Variants in ODAD2 observed in about 807,000 individuals in gnomAD.
ODAD2 encodes outer dynein arm docking complex subunit 2, also known as outer dynein arm-docking complex subunit 2.
ODAD2 carries 89 observed loss-of-function variants against 106.8 expected under a neutral mutation model. The observed-to-expected ratio is 0.83, with a 90% confidence interval of 0.70 to 0.99. The LOEUF is 0.99. ODAD2 is among the 50% of genes least tolerant of loss of function. The pLI is 0.00. For synonymous variants in ODAD2, 404 were observed against 436.2 expected (o/e 0.93, Z 0.92); for missense variants, 1,168 against 1,238.5 (o/e 0.94, Z 0.85).
chr10:27,939,959 C>T lies in ODAD2; in HGVS notation c.2035G>A (p.Val679Ile). ...TCATTCTCACTATTTAGGTTCTTGACAAGGTTTTCAATGATCCTTTCTGCT... is the reference window on the plus strand; with the variant it reads ...TCATTCTCACTATTTAGGTTCTTGATAAGGTTTTCAATGATCCTTTCTGCT... Reference protein sequence around the residue: ...IKAERIIENLVKNLNSENEQL... With the variant: ...IKAERIIENLIKNLNSENEQL... Residue 679 changes from valine (V) to isoleucine (I), a missense_variant, in exon 14 of 20, where the codon GTC (valine) becomes ATC (isoleucine). By Grantham distance (29) the Val-to-Ile change is conservative. Transcript: ENST00000305242. 6.2e-7 allele frequency: 1 copy of T among 1,611,102 alleles called. No individual in the cohort carries two copies. Among genetic ancestry groups the T allele is most frequent in the Admixed American group, 1.7e-5 (1 of 59,486 alleles).
chr10:27,903,238 A>C (rs1387704442), intron 17 of ODAD2, among the ~76,000 whole-genome samples: 1 of 152,230 alleles, frequency 6.6e-6, no homozygotes, highest in Non-Finnish European at 1.5e-5. Context: ...GGCCTTCCAT[A>C]AAATTCAACA....
chr10:27,868,742 G>C (rs1228929178), intron 17 of ODAD2, among the ~76,000 whole-genome samples: 1 of 151,924 alleles, frequency 6.6e-6, no homozygotes, highest in Non-Finnish European at 1.5e-5. Flanking sequence ...TTAATACCTA[G>C]GTGATGGGTT....
At chr10:27,882,619 A>G (rs1424882853) in intron 17 of ODAD2, among the ~76,000 whole-genome samples, 1 of 152,214 alleles carries the variant, frequency 6.6e-6, no homozygotes. Context: ...AATCTCAGTA[A>G]GAAAAGTGAG....
At chr10:27,933,760 A>C (rs1223237248) in intron 16 of ODAD2, among the ~76,000 whole-genome samples, 1 of 152,252 alleles carries the variant, frequency 6.6e-6, no homozygotes, top group Non-Finnish European at 1.5e-5. Context: ...AATACATTAG[A>C]AAATGGTTTT....
intron 6 of ODAD2, among the ~76,000 whole-genome samples, chr10:27,983,374 T>C (rs1849678313): frequency 6.6e-6 from 1 of 152,228 alleles, no homozygotes; most frequent in Admixed American, 6.5e-5. Flanking sequence ...CAGCACAGCC[T>C]GGAAGTGGAC....
At chr10:27,867,915 C>T (rs1352875531) in intron 17 of ODAD2, among the ~76,000 whole-genome samples, 2 of 151,580 alleles carry the variant, frequency 1.3e-5, no homozygotes, top group Admixed American at 6.6e-5. Flanking sequence ...CTCCACTGCA[C>T]TCCAGCCTGG....
chr10:27,853,814 G>A (rs952493728), intron 19 of ODAD2, among the ~76,000 whole-genome samples: 1 of 152,096 alleles, frequency 6.6e-6, no homozygotes, highest in African/African-American at 2.4e-5. Flanking sequence ...TCAGAAGAAA[G>A]CATGAAATCC....
At chr10:27,988,652 T>C (rs1850032529) in intron 2 of ODAD2, among the ~76,000 whole-genome samples, 1 of 152,166 alleles carries the variant, frequency 6.6e-6, no homozygotes, top group African/African-American at 2.4e-5. Flanking sequence ...CTAACATATT[T>C]TGAATTGCAA....
intron 16 of ODAD2, among the ~76,000 whole-genome samples, chr10:27,909,528 G>C (rs1474007515): frequency 1.3e-5 from 2 of 151,988 alleles, no homozygotes; most frequent in Non-Finnish European, 2.9e-5. Flanking sequence ...CTTAAAAGAA[G>C]ACTCAGGGGC....
At chr10:27,969,942 C>T (rs1247765783) in intron 8 of ODAD2, among the ~76,000 whole-genome samples, 2 of 151,984 alleles carry the variant, frequency 1.3e-5, no homozygotes, top group African/African-American at 4.8e-5. Context: ...GCCATCTCTA[C>T]TAAAAATACA....
At chr10:27,837,071 CT>C (rs1316564288) in intron 19 of ODAD2, among the ~76,000 whole-genome samples, 3 of 152,052 alleles carry the variant, frequency 2.0e-5, no homozygotes, top group African/African-American at 7.2e-5. Context: ...AAGACAAATT[CT>C]GATGCAAGAA....
intron 9 of ODAD2, among the ~76,000 whole-genome samples, chr10:27,962,425 T>G (rs1456348556): frequency 6.6e-6 from 1 of 152,194 alleles, no homozygotes; most frequent in Non-Finnish European, 1.5e-5. Context: ...TAAGTTCAAC[T>G]GGGCAGTGCC....
intron 16 of ODAD2, among the ~76,000 whole-genome samples, chr10:27,912,522 G>C (rs1844081372): frequency 6.6e-6 from 1 of 152,132 alleles, no homozygotes; most frequent in Non-Finnish European, 1.5e-5. Context: ...TGCCCATTGA[G>C]GCCATATATA....
chr10:27,876,417 T>G (rs1841345167), intron 17 of ODAD2, among the ~76,000 whole-genome samples: 1 of 152,212 alleles, frequency 6.6e-6, no homozygotes, highest in Non-Finnish European at 1.5e-5. Context: ...CCTCCACTGC[T>G]GATACCCAGG....
chr10:27,884,115 A>G (rs918969092), intron 17 of ODAD2, among the ~76,000 whole-genome samples: 2 of 152,186 alleles, frequency 1.3e-5, no homozygotes, highest in East Asian at 3.8e-4. Context: ...AGAGATCCCC[A>G]GTTAGGCACA....
At chr10:27,839,354 T>C (rs1466114459) in intron 19 of ODAD2, among the ~76,000 whole-genome samples, 1 of 152,214 alleles carries the variant, frequency 6.6e-6, no homozygotes, top group African/African-American at 2.4e-5. Flanking sequence ...TCACACCTGA[T>C]AAGCTTTTTA....
chr10:27,878,704 G>A (rs192128480), intron 17 of ODAD2, among the ~76,000 whole-genome samples: 2 of 152,146 alleles, frequency 1.3e-5, no homozygotes, highest in Admixed American at 1.3e-4. Context: ...AACTGAACGG[G>A]CAAATCTTGT....
chr10:27,995,124 T>G lies in ODAD2; in HGVS notation c.19A>C (p.Lys7Gln). 1 of 1,614,064 alleles carries G rather than the reference T, an allele frequency of 6.2e-7. No individual in the cohort carries two copies. Among genetic ancestry groups the G allele is most frequent in the Non-Finnish European group, 8.5e-7 (1 of 1,180,014 alleles). MGVALR[K>Q]LTQWTAAGHG... ...CCGGCAGCAGTCCACTGCGTCAATT[T>G]CCTCAGAGCCACACCCATGGGATCC... Residue 7 changes from lysine to glutamine, a missense_variant, in exon 2 of 20, where the codon AAA becomes CAA. Coordinates refer to ENST00000305242, the MANE Select transcript of ODAD2 (RefSeq NM_018076.5).
At chr10:27,870,981 AGT>A (rs1840830650) in intron 17 of ODAD2, among the ~76,000 whole-genome samples, 1 of 152,182 alleles carries the variant, frequency 6.6e-6, no homozygotes, top group Admixed American at 6.5e-5. Flanking sequence ...ACAGTGTGAA[AGT>A]GTTCCTATTT....
Sources: allele counts gnomAD v4.1 joint callset (sites outside exome capture counted in the v4.1 genomes callset), GRCh38; gene constraint gnomAD v4.1.1; transcripts MANE v1.5; gene names NCBI Gene and HGNC (gene_info 2026-07-23, HGNC 2026-07-21).